KIAA1549L: variants seen among roughly 807,000 people sequenced by gnomAD.
KIAA1549L encodes the protein KIAA1549 like, also known as UPF0606 protein KIAA1549L.
A neutral mutation model predicts 160.7 loss-of-function variants in KIAA1549L; 88 were observed. The ratio of observed to expected loss-of-function variants is 0.55; its 90% CI spans 0.46 to 0.65. The LOEUF is 0.65. KIAA1549L is among the 30% of genes least tolerant of loss of function. The pLI is 0.00. For synonymous variants in KIAA1549L, 950 were observed against 976.7 expected (o/e 0.97, Z 0.51); for missense variants, 2,258 against 2,437.5 (o/e 0.93, Z 1.55).
intron 1 of KIAA1549L, among the ~76,000 whole-genome samples, chr11:33,458,356 G>T (rs1307492448): frequency 6.6e-6 from 1 of 152,224 alleles, no homozygotes; most frequent in Non-Finnish European, 1.5e-5. Flanking sequence ...TCTTGCCCCA[G>T]GTTCTGCAAA....
chr11:33,606,714 C>T lies in KIAA1549L; in HGVS notation c.4953C>T (p.Asp1651=), dbSNP rs946417272. ...NSSKVAAEPF[D]TSSGSVQLIA... Reference sequence around the variant, plus strand: ...GCAAGGTGGCCGCTGAACCCTTTGACACATCTTCTGGGTCTGTGCAGCTCA... The same window carrying T: ...GCAAGGTGGCCGCTGAACCCTTTGATACATCTTCTGGGTCTGTGCAGCTCA... Residue 1651 remains aspartate (D), a synonymous_variant, in exon 14 of 21, where the codon GAC becomes GAT. Transcript: ENST00000658780. 6.2e-7 allele frequency: 1 copy of T among 1,613,986 alleles called. No homozygotes were observed. Among genetic ancestry groups the T allele is most frequent in the African/African-American group, 1.3e-5 (1 of 75,052 alleles).
chr11:33,456,310 G>T (rs771308547), intron 1 of KIAA1549L, among the ~76,000 whole-genome samples: 57 of 152,180 alleles, frequency 3.7e-4, no homozygotes, highest in Non-Finnish European at 2.4e-4. Context: ...GCCTTTAGCT[G>T]CCAAGGTAAT....
chr11:33,564,123 G>T (rs1854968873), intron 8 of KIAA1549L, among the ~76,000 whole-genome samples: 1 of 152,178 alleles, frequency 6.6e-6, no homozygotes, highest in African/African-American at 2.4e-5. Flanking sequence ...GTTGGTTAGT[G>T]CTTGGGAAGG....
At chr11:33,539,657 T>TTTTTG (rs1297893683) in intron 1 of KIAA1549L, among the ~76,000 whole-genome samples, 1 of 152,238 alleles carries the variant, frequency 6.6e-6, no homozygotes, top group African/African-American at 2.4e-5. Context: ...GTTTTGTTTC[T>TTTTTG]TTTTGTTTTG....
chr11:33,646,661 C>G (rs549730825), intron 17 of KIAA1549L, among the ~76,000 whole-genome samples: 6 of 152,342 alleles, frequency 3.9e-5, no homozygotes, highest in Admixed American at 2.6e-4. Context: ...CCATTGCAAC[C>G]TTACACACAC....
rs965402861 is a variant in KIAA1549L, at chr11:33,543,575, C to T, written c.2012C>T (p.Ala671Val). Residue 671 changes from alanine (A) to valine (V), a missense_variant, in exon 2 of 21, where the codon GCA becomes GTA. Coordinates refer to ENST00000658780, the MANE Select transcript of KIAA1549L (RefSeq NM_012194.3). ...LPASASKQVRASPSSMDVYDS... is the reference protein window; with the variant it reads ...LPASASKQVRVSPSSMDVYDS... Reference sequence around the variant, plus strand: ...GCTTCAGCTTCCAAACAGGTGAGAGCATCGCCCTCCTCCATGGATGTATAT... The same window carrying T: ...GCTTCAGCTTCCAAACAGGTGAGAGTATCGCCCTCCTCCATGGATGTATAT... 2 of 1,613,930 alleles carry T rather than the reference C, an allele frequency of 1.2e-6. No homozygotes were observed. Among genetic ancestry groups the T allele is most frequent in the East Asian group, 2.2e-5 (1 of 44,902 alleles).
chr11:33,592,956 A>G (rs1335360704), intron 12 of KIAA1549L, among the ~76,000 whole-genome samples: 1 of 152,222 alleles, frequency 6.6e-6, no homozygotes. Flanking sequence ...AAGCAGGATC[A>G]AGGGGGCTGG....
chr11:33,479,963 A>G (rs1181764497), intron 1 of KIAA1549L, among the ~76,000 whole-genome samples: 1 of 152,130 alleles, frequency 6.6e-6, no homozygotes, highest in East Asian at 1.9e-4. Context: ...GAGACAGCCT[A>G]TTAGCTTGTT....
At chr11:33,388,138 C>G (rs984574922) in intron 1 of KIAA1549L, among the ~76,000 whole-genome samples, 1 of 152,108 alleles carries the variant, frequency 6.6e-6, no homozygotes, top group Non-Finnish European at 1.5e-5. Flanking sequence ...AAGAACTGCC[C>G]GAGACTGAGT....
At chr11:33,431,920 C>T (rs948652135) in intron 1 of KIAA1549L, among the ~76,000 whole-genome samples, 1 of 152,238 alleles carries the variant, frequency 6.6e-6, no homozygotes, top group Admixed American at 6.5e-5. Flanking sequence ...GACGAGAAAT[C>T]GAGCTCAGCG....
intron 1 of KIAA1549L, among the ~76,000 whole-genome samples, chr11:33,484,647 G>A (rs548454619): frequency 6.7e-4 from 102 of 152,120 alleles, no homozygotes; most frequent in African/African-American, 2.3e-3. Flanking sequence ...ACGGAGGTGA[G>A]CATCCCATAA....
chr11:33,596,671 G>A (rs1055320809), intron 12 of KIAA1549L, among the ~76,000 whole-genome samples: 5 of 152,300 alleles, frequency 3.3e-5, no homozygotes, highest in East Asian at 3.9e-4. Flanking sequence ...CTCGGGAAAC[G>A]GAGGTTGCAG....
At chr11:33,408,573 A>G (rs929297734) in intron 1 of KIAA1549L, among the ~76,000 whole-genome samples, 1 of 150,942 alleles carries the variant, frequency 6.6e-6, no homozygotes, top group Non-Finnish European at 1.5e-5. Flanking sequence ...AGCTTCCTAC[A>G]CACAGATGCC....
At chr11:33,435,759 G>GAGAGATATATATAT (rs1429879805) in intron 1 of KIAA1549L, among the ~76,000 whole-genome samples, 1 of 14,988 alleles carries the variant, frequency 6.7e-5, no homozygotes, top group Non-Finnish European at 1.1e-4. Context: ...GAACCAATAA[G>GAGAGATATATATAT]ATATATATAT....
chr11:33,392,004 G>A (rs1272416665), intron 1 of KIAA1549L, among the ~76,000 whole-genome samples: 2 of 152,226 alleles, frequency 1.3e-5, no homozygotes, highest in East Asian at 1.9e-4. Context: ...CTGGATCAAG[G>A]GTTTAATCTT....
intron 1 of KIAA1549L, among the ~76,000 whole-genome samples, chr11:33,474,719 A>C (rs1379501522): frequency 6.6e-6 from 1 of 152,236 alleles, no homozygotes; most frequent in Non-Finnish European, 1.5e-5. Flanking sequence ...AAATGGCATC[A>C]GCAAAGAGTA....
At chr11:33,518,427 G>C (rs186783309) in intron 1 of KIAA1549L, among the ~76,000 whole-genome samples, 112 of 152,250 alleles carry the variant, frequency 7.4e-4, no homozygotes, top group Non-Finnish European at 1.5e-3. Flanking sequence ...TTTCCCTTGA[G>C]TATGATCCTG....
intron 1 of KIAA1549L, among the ~76,000 whole-genome samples, chr11:33,431,053 G>A (rs1214812334): frequency 1.3e-5 from 2 of 152,100 alleles, no homozygotes; most frequent in African/African-American, 4.8e-5. Context: ...TGGCTCAGGA[G>A]TGAAGCTGCA....
chr11:33,402,028 T>C (rs1190450540), intron 1 of KIAA1549L, among the ~76,000 whole-genome samples: 1 of 152,154 alleles, frequency 6.6e-6, no homozygotes, highest in East Asian at 1.9e-4. Flanking sequence ...GGGGCCAAGA[T>C]ATGTTCTAGC....
Sources: gnomAD v4.1 joint callset for allele counts (sites outside exome capture counted in the v4.1 genomes callset) on GRCh38, gnomAD v4.1.1 for gene constraint, MANE v1.5 for transcripts, NCBI Gene and HGNC (gene_info 2026-07-23, HGNC 2026-07-21) for gene names.